Variants in OCLN observed in about 807,000 individuals in gnomAD.
OCLN encodes occludin.
OCLN carries 21 observed loss-of-function variants against 47.9 expected under a neutral mutation model. That is an observed-to-expected ratio of 0.44 (90% CI 0.31 to 0.63). The LOEUF is 0.63. OCLN is among the 30% of genes least tolerant of loss of function. OCLN has a pLI of 0.08. For synonymous variants in OCLN, 117 were observed against 198.4 expected (o/e 0.59, Z 3.45); for missense variants, 360 against 571.0 (o/e 0.63, Z 3.77).
At chr5:69,508,605 T>G (rs1233789186) in intron 2 of OCLN, among the ~76,000 whole-genome samples, 2 of 152,184 alleles carry the variant, frequency 1.3e-5, no homozygotes, top group Non-Finnish European at 2.9e-5. Flanking sequence ...CCTCCCAAAG[T>G]GCTGGGATTA....
chr5:69,509,755 C>T lies in OCLN; in HGVS notation c.665C>T (p.Pro222Leu), dbSNP rs779822279. 5 of 1,614,092 alleles carry T rather than the reference C, an allele frequency of 3.1e-6. No individual in the cohort carries two copies. In the South Asian group the frequency reaches 3.3e-5, roughly 11 times the overall value. ...IYALCNQFYT[P>L]AATGLYVDQY... ...GCCCTCTGCAACCAATTTTATACAC[C>T]TGCAGCTACTGGACTCTACGTGGAT... Residue 222 changes from proline (P) to leucine (L), a missense_variant, in exon 3 of 9, where the codon CCT becomes CTT. By Grantham distance (98) the Pro-to-Leu change is moderately conservative. Around this residue, in one of 3 missense-constraint regions of OCLN, gnomAD observed 314 missense variants for 368.1 expected, o/e 0.85. Transcript: ENST00000396442.
rs550389014 is a variant in OCLN, at chr5:69,516,261, G to A, written c.891+2152G>A. The stretch of plus-strand genomic sequence containing the variant: ...TGCAATCCCGGCACCTTGGGAGGCC[G>A]AGGCTGGCGGATCAGTCGCAGTTCG... On this transcript the variant is annotated intron_variant, in intron 4 of 8. Transcript: ENST00000396442. Among the ~76,000 whole-genome samples, 11 of 152,360 alleles carry A rather than the reference G, an allele frequency of 7.2e-5. No homozygotes were observed. The East Asian group carries it at 1.2e-3, about 16-fold the overall frequency.
chr5:69,498,196 T>A (rs1768355962), intron 1 of OCLN, among the ~76,000 whole-genome samples: 1 of 152,154 alleles, frequency 6.6e-6, no homozygotes, highest in Admixed American at 6.5e-5. Flanking sequence ...ATTGACTTTT[T>A]AAAAATTCAG....
At chr5:69,507,248 C>A (rs1222345195) in intron 2 of OCLN, among the ~76,000 whole-genome samples, 1 of 152,070 alleles carries the variant, frequency 6.6e-6, no homozygotes, top group Non-Finnish European at 1.5e-5. Context: ...AATTCTCCTG[C>A]CTCAGCCTCC....
intron 1 of OCLN, among the ~76,000 whole-genome samples, chr5:69,495,706 C>A (rs1190489558): frequency 1.3e-5 from 2 of 151,538 alleles, no homozygotes; most frequent in Non-Finnish European, 2.9e-5. Flanking sequence ...ATTCCAGATG[C>A]GGTGGAGATG....
intron 4 of OCLN, among the ~76,000 whole-genome samples, chr5:69,524,476 T>G (rs981635400): frequency 1.1e-4 from 16 of 152,222 alleles, no homozygotes; most frequent in Admixed American, 7.2e-4. Flanking sequence ...TTTAACTTTG[T>G]AGAAGGTGTA....
chr5:69,496,785 T>G (rs1768306070), intron 1 of OCLN, among the ~76,000 whole-genome samples: 1 of 152,174 alleles, frequency 6.6e-6, no homozygotes, highest in African/African-American at 2.4e-5. Context: ...GGGAGAACAC[T>G]TTATATTTTA....
chr5:69,533,981 G>C (rs1441571770), intron 4 of OCLN, among the ~76,000 whole-genome samples: 3 of 151,942 alleles, frequency 2.0e-5, no homozygotes, highest in Non-Finnish European at 4.4e-5. Flanking sequence ...AATTTCTAAT[G>C]CATGTTACTT....
At position 69,553,630 on chromosome 5, in the gene OCLN, A is replaced by G. The variant is rs1561356600; in HGVS notation, c.1528A>G (p.Ile510Val). 6.2e-7 allele frequency: 1 copy of G among 1,613,992 alleles called. No individual in the cohort carries two copies. The highest frequency in any genetic ancestry group is 1.7e-5 in the Admixed American group (1 of 59,994). ...GCAGTTAAAGAGCAAATTGTCACAC[A>G]TCAAGAAGATGGTTGGAGACTATGA... The part of the protein sequence containing the change: ...CKQLKSKLSH[I>V]KKMVGDYDRQ... The change falls in exon 9 of 9, where the codon ATC (isoleucine) becomes GTC (valine). Residue 510 changes from isoleucine (I) to valine (V), a missense_variant. Around this residue, in one of 3 missense-constraint regions of OCLN, gnomAD observed 25 missense variants for 43.9 expected, o/e 0.57. Transcript: ENST00000396442.
intron 1 of OCLN, among the ~76,000 whole-genome samples, chr5:69,496,822 G>C (rs1361940792): frequency 6.6e-6 from 1 of 152,084 alleles, no homozygotes; most frequent in African/African-American, 2.4e-5. Context: ...CTGGTTTTCA[G>C]ATTAACATAT....
intron 2 of OCLN, among the ~76,000 whole-genome samples, chr5:69,505,245 C>T (rs563667207): frequency 4.1e-4 from 63 of 151,938 alleles, no homozygotes; most frequent in Admixed American, 2.9e-3. Context: ...AGCAAAACTC[C>T]GTCTCAAAAA....
intron 1 of OCLN, among the ~76,000 whole-genome samples, chr5:69,498,299 G>A (rs1313161284): frequency 2.0e-5 from 3 of 152,140 alleles, no homozygotes; most frequent in African/African-American, 7.2e-5. Context: ...TTTGACACCA[G>A]CTTGGTTAAC....
intron 1 of OCLN, among the ~76,000 whole-genome samples, chr5:69,500,700 T>C (rs1433979994): frequency 6.6e-6 from 1 of 152,052 alleles, no homozygotes; most frequent in Non-Finnish European, 1.5e-5. Flanking sequence ...ATGATTTGGT[T>C]CACAATTTAA....
chr5:69,516,343 G>A (rs1376992360), intron 4 of OCLN, among the ~76,000 whole-genome samples: 1 of 152,240 alleles, frequency 6.6e-6, no homozygotes, highest in Admixed American at 6.5e-5. Flanking sequence ...AAAAAAATAA[G>A]AAAACCAGTC....
At chr5:69,536,060 T>C (rs1769575763) in intron 5 of OCLN, among the ~76,000 whole-genome samples, 1 of 152,214 alleles carries the variant, frequency 6.6e-6, no homozygotes, top group East Asian at 1.9e-4. Flanking sequence ...GAGGTTGTTG[T>C]AAGTGGAGAT....
At chr5:69,504,112 G>C (rs1371108906) in intron 1 of OCLN, 65 bp from the exon 2 acceptor site, 2 of 720,044 alleles carry the variant, frequency 2.8e-6, no homozygotes, top group Non-Finnish European at 5.1e-6. Context: ...GGTGGGGGTG[G>C]GATGAAGAAA....
intron 3 of OCLN, among the ~76,000 whole-genome samples, chr5:69,510,623 G>T (rs1482167293): frequency 6.6e-6 from 1 of 152,158 alleles, no homozygotes; most frequent in Non-Finnish European, 1.5e-5. Context: ...GGCGGAGCTT[G>T]CAGTGAGCTG....
chr5:69,496,239 C>T (rs56776380), intron 1 of OCLN, among the ~76,000 whole-genome samples: 2,759 of 152,182 alleles, frequency 0.018, 75 homozygotes, highest in African/African-American at 0.063. Context: ...GTTGGGACTA[C>T]AGGCGCCTGC....
At chr5:69,517,137 A>C (rs1294612471) in intron 4 of OCLN, among the ~76,000 whole-genome samples, 3 of 151,972 alleles carry the variant, frequency 2.0e-5, no homozygotes, top group Non-Finnish European at 4.4e-5. Context: ...GTTAGAAGCT[A>C]CCTCAGAAAC....
Sources: gnomAD v4.1 joint callset for allele counts (sites outside exome capture counted in the v4.1 genomes callset) on GRCh38, gnomAD v4.1.1 for gene constraint, gnomAD v4.1.1 regional missense constraint, MANE v1.5 for transcripts, NCBI Gene and HGNC (gene_info 2026-07-23, HGNC 2026-07-21) for gene names.